CCDC14: variants seen among roughly 807,000 people sequenced by gnomAD.
CCDC14 encodes the protein coiled-coil domain-containing protein 14.
In CCDC14, 71 loss-of-function variants were observed where a neutral mutation model predicts 81.4. That is an observed-to-expected ratio of 0.87 (90% CI 0.72 to 1.06). The LOEUF is 1.06. Among genes scored for constraint, CCDC14 ranks in the 50% least tolerant of loss-of-function variants. The pLI is 0.00. For missense variants in CCDC14, 1,046 were observed against 1,047.3 expected, an observed-to-expected ratio of 1.00 and a Z score of 0.02; for synonymous variants, 332 against 364.8, an observed-to-expected ratio of 0.91 and a Z score of 1.03.
chr3:123,915,150 A>G lies in CCDC14; in HGVS notation c.2347T>C (p.Cys783Arg). ...TCTGCTTCCTTTGTTGAAGAGGAAC[A>G]GATTACAGGTGTACACAGTTTATTT... The part of the protein sequence containing the change: ...KENKLCTPVI[C>R]SSSTKEAEDA... The change falls in exon 13 of 13, where the codon TGT becomes CGT. Residue 783 changes from cysteine (C) to arginine (R), a missense_variant. By Grantham distance (180) the Cys-to-Arg change is radical (BLOSUM62 -3). Coordinates refer to ENST00000409697, the MANE Select transcript of CCDC14 (RefSeq NM_001366335.1). 6.2e-7 allele frequency: 1 copy of G among 1,613,910 alleles called. No individual in the cohort carries two copies. Among genetic ancestry groups the G allele is most frequent in the African/African-American group, 1.3e-5 (1 of 75,062 alleles).
intron 12 of CCDC14, among the ~76,000 whole-genome samples, chr3:123,926,799 T>C (rs2035390282): frequency 6.6e-6 from 1 of 152,044 alleles, no homozygotes; most frequent in Non-Finnish European, 1.5e-5. Flanking sequence ...GAGAAAGGCA[T>C]TCAGAAATTT....
downstream of CCDC14, among the ~76,000 whole-genome samples, chr3:123,893,216 C>G (rs192806166): frequency 3.9e-5 from 6 of 152,334 alleles, no homozygotes. Flanking sequence ...ACTTTGTACA[C>G]ATTAAGCAAC....
At position 123,913,562 on chromosome 3, in the gene CCDC14, T is replaced by C; in HGVS notation, c.*1217A>G. Reference sequence around the variant, plus strand: ...GATGCTAATGGACTCTTGTGTGAAATAGTTTAGAATTCACTTAATAAATTT... The same window carrying C: ...GATGCTAATGGACTCTTGTGTGAAACAGTTTAGAATTCACTTAATAAATTT... On this transcript the variant is annotated 3_prime_UTR_variant, in exon 13 of 13. Coordinates refer to ENST00000409697, the MANE Select transcript of CCDC14 (RefSeq NM_001366335.1). 2.0e-6 allele frequency: 2 copies of C among 980,696 alleles called. No homozygotes were observed. The highest frequency in any genetic ancestry group is 2.4e-6 in the Non-Finnish European group (2 of 826,068). The allele number at this position is 980,696 out of a possible 1,614,324, so 60.7% of individuals were successfully genotyped here. A position where few individuals can be genotyped will look rare whatever the true frequency, so the allele number is the denominator to read the frequency against.
chr3:123,946,715 C>G (rs536650096), intron 8 of CCDC14, 88 bp downstream of exon 8: 628 of 1,284,016 alleles, frequency 4.9e-4, no homozygotes, highest in Non-Finnish European at 6.2e-4. Flanking sequence ...TGGAAAATAC[C>G]ACAAACTCCA....
In CCDC14 at chr3:123,933,297, T is replaced by A. The variant is rs574574752; in HGVS notation, c.1426+376A>T. On this transcript the variant is annotated intron_variant, in intron 10 of 12. Transcript: ENST00000409697. ...AGAGAAAGATGCATAATTATGTATT[T>A]TGATAGACAAAAGTGTCCATTATAT... Among the ~76,000 whole-genome samples the A allele has an allele frequency of 4.6e-5, 7 of 152,310 alleles. No homozygotes were observed. In the South Asian group the frequency reaches 1.2e-3, roughly 27 times the overall value.
chr3:123,935,583 C>T (rs1268636025), intron 9 of CCDC14, among the ~76,000 whole-genome samples: 2 of 152,110 alleles, frequency 1.3e-5, no homozygotes, highest in Non-Finnish European at 2.9e-5. Flanking sequence ...ATAAAAAAAG[C>T]GAGAGGTCCA....
At chr3:123,957,671 G>T (rs1403949495) in intron 1 of CCDC14, 5 of 152,028 alleles carry the variant, frequency 3.3e-5, no homozygotes, top group African/African-American at 1.2e-4. Flanking sequence ...TGGGAGTTAT[G>T]CCAGAAACAG....
chr3:123,911,202 C>T (rs1365883080), downstream of CCDC14, among the ~76,000 whole-genome samples: 1 of 152,134 alleles, frequency 6.6e-6, no homozygotes, highest in Non-Finnish European at 1.5e-5. Flanking sequence ...TTAAACCCTT[C>T]AGAAGTCTAA....
intron 12 of CCDC14, among the ~76,000 whole-genome samples, chr3:123,926,934 T>C (rs1258962161): frequency 6.6e-6 from 1 of 152,214 alleles, no homozygotes; most frequent in African/African-American, 2.4e-5. Flanking sequence ...TACTGTCGGA[T>C]GCTGGTGCTT....
chr3:123,938,381 C>T (rs2036172337), intron 9 of CCDC14, among the ~76,000 whole-genome samples: 1 of 151,748 alleles, frequency 6.6e-6, no homozygotes, highest in Non-Finnish European at 1.5e-5. Flanking sequence ...TTTGATGCTA[C>T]TCTAGTACTG....
At chr3:123,930,718 G>T (rs144498819) in intron 12 of CCDC14, 2 of 161,054 alleles carry the variant, frequency 1.2e-5, no homozygotes, top group African/African-American at 4.8e-5. Flanking sequence ...CTCTATTCAT[G>T]TCCCTACTTT....
chr3:123,946,869 T>C lies in CCDC14; in HGVS notation c.1135A>G (p.Thr379Ala). 6.2e-7 allele frequency: 1 copy of C among 1,613,958 alleles called. No individual in the cohort carries two copies. ...TTTATAATTCTAACTTTTTCAGCTGTCTTGTTCACATTTTTTGCCTTCTGT... is the reference window on the plus strand; with the variant it reads ...TTTATAATTCTAACTTTTTCAGCTGCCTTGTTCACATTTTTTGCCTTCTGT... ...DVQKAKNVNK[T>A]AEKVRIIKYL... Residue 379 changes from threonine to alanine, a missense_variant, in exon 8 of 13, where the codon ACA becomes GCA. Coordinates refer to ENST00000409697, the MANE Select transcript of CCDC14 (RefSeq NM_001366335.1).
At position 123,947,130 on chromosome 3, in the gene CCDC14, CTTG is replaced by C; in HGVS notation, c.871_873del (p.Gln291del). 6.2e-7 allele frequency: 1 copy of C among 1,613,860 alleles called. No homozygotes were observed. ...AGTAGGTCTGTTTCCTTATGAATTC[CTTG>C]TTGTGGCAGAATTCCATTAACAAGG... is the stretch of plus-strand genomic sequence containing the variant. On this transcript the variant is annotated inframe_deletion, in exon 8 of 13. Coordinates refer to ENST00000409697, the MANE Select transcript of CCDC14 (RefSeq NM_001366335.1).
chr3:123,920,559 C>T (rs532337966), intron 12 of CCDC14, among the ~76,000 whole-genome samples: 1 of 152,288 alleles, frequency 6.6e-6, no homozygotes, highest in South Asian at 2.1e-4. Flanking sequence ...GACTTCTCAA[C>T]AAAAACAACC....
At chr3:123,894,971 C>G (rs1026631060), downstream of CCDC14, among the ~76,000 whole-genome samples, 1 of 152,166 alleles carries the variant, frequency 6.6e-6, no homozygotes, top group Non-Finnish European at 1.5e-5. Context: ...TGCACAAATA[C>G]CTGAAGAAGA....
downstream of CCDC14, among the ~76,000 whole-genome samples, chr3:123,912,044 A>G (rs965849775): frequency 1.3e-5 from 2 of 152,310 alleles, no homozygotes; most frequent in East Asian, 1.9e-4. Flanking sequence ...ATATCATCAG[A>G]TTCTACCTTT....
chr3:123,935,022 G>A (rs2035979543), intron 9 of CCDC14, among the ~76,000 whole-genome samples: 2 of 152,048 alleles, frequency 1.3e-5, no homozygotes, highest in South Asian at 4.2e-4. Flanking sequence ...TTAAAAGCCT[G>A]AAAGAAAATA....
At position 123,956,045 on chromosome 3, in the gene CCDC14, C is replaced by G. The variant is rs761496246; in HGVS notation, c.229+1G>C. ...TCAGCAAAGAATTAAAAAAAAAAAA[C>G]CTGAATCTTCATTTCTCAAAATGTC... On this transcript the variant is annotated splice_donor_variant, in intron 4 of 12. Transcript: ENST00000409697. LOFTEE classifies it high-confidence loss of function. 3 of 1,527,944 alleles carry G rather than the reference C, an allele frequency of 2.0e-6. No homozygotes were observed. Among genetic ancestry groups the G allele is most frequent in the Non-Finnish European group, 2.6e-6 (3 of 1,132,622 alleles). 94.6% of individuals were successfully genotyped at this position (1,527,944 alleles called of 1,614,324 possible). A position where few individuals can be genotyped will look rare whatever the true frequency, so the allele number is the denominator to read the frequency against.
chr3:123,959,063 T>C (rs2037514145), intron 1 of CCDC14, among the ~76,000 whole-genome samples: 3 of 152,228 alleles, frequency 2.0e-5, no homozygotes, highest in Admixed American at 2.0e-4. Context: ...ATTTGGGTTG[T>C]TCCCACATTT....
Sources: allele counts gnomAD v4.1 joint callset (sites outside exome capture counted in the v4.1 genomes callset), GRCh38; gene constraint gnomAD v4.1.1; transcripts MANE v1.5; gene names NCBI Gene and HGNC (gene_info 2026-07-23, HGNC 2026-07-21).